The following SLIT3 variants were observed in gnomAD, a reference collection of about 807,000 sequenced individuals.
The protein encoded by SLIT3 is slit guidance ligand 3, also known as slit homolog 3 protein.
Under a neutral mutation model 184.0 loss-of-function variants are expected in SLIT3, and 68 were observed. That is an observed-to-expected ratio of 0.37 (90% CI 0.30 to 0.45). The LOEUF is 0.45. SLIT3 is among the 20% of genes least tolerant of loss of function. The probability of loss-of-function intolerance (pLI) is 1.00; values close to 1 mark genes in which losing one functional copy is unlikely to be tolerated. For synonymous variants in SLIT3, 831 were observed against 828.6 expected (o/e 1.00, Z -0.05); for missense variants, 1,707 against 2,026.0 (o/e 0.84, Z 3.02).
At chr5:168,934,569 C>T (rs1404896645) in intron 4 of SLIT3, among the ~76,000 whole-genome samples, 3 of 152,084 alleles carry the variant, frequency 2.0e-5, no homozygotes, top group Admixed American at 6.6e-5. Flanking sequence ...GAAAGGCACG[C>T]GGCTGTGGGA....
intron 28 of SLIT3, among the ~76,000 whole-genome samples, chr5:168,694,707 C>G (rs1217794389): frequency 1.3e-5 from 2 of 152,176 alleles, no homozygotes; most frequent in Non-Finnish European, 2.9e-5. Flanking sequence ...CAACCTTCAC[C>G]TCCTGGGTTC....
At chr5:168,973,591 G>A (rs1028418947) in intron 4 of SLIT3, among the ~76,000 whole-genome samples, 6 of 152,128 alleles carry the variant, frequency 3.9e-5, no homozygotes, top group African/African-American at 7.2e-5. Context: ...AAATTTACAC[G>A]GCTTGTAATT....
At chr5:169,202,374 A>T (rs1314961430) in intron 3 of SLIT3, among the ~76,000 whole-genome samples, 4 of 152,190 alleles carry the variant, frequency 2.6e-5, no homozygotes, top group African/African-American at 9.7e-5. Flanking sequence ...GTATTATCTC[A>T]CTTCGTCCTT....
intron 12 of SLIT3, among the ~76,000 whole-genome samples, chr5:168,777,620 G>C (rs1197308854): frequency 6.6e-6 from 1 of 152,178 alleles, no homozygotes; most frequent in African/African-American, 2.4e-5. Flanking sequence ...GGCAAAGATA[G>C]CCCAAGGTGC....
At chr5:169,240,611 T>G (rs994153488) in intron 3 of SLIT3, among the ~76,000 whole-genome samples, 2 of 150,016 alleles carry the variant, frequency 1.3e-5, no homozygotes, top group African/African-American at 4.9e-5. Context: ...CTTTCAAGTT[T>G]TCTCTATCCT....
intron 19 of SLIT3, 97 bp from the exon 20 acceptor site, chr5:168,748,531 G>T: frequency 2.5e-6 from 3 of 1,199,518 alleles, no homozygotes; most frequent in Non-Finnish European, 3.3e-6. Context: ...AAGACAAGTT[G>T]TCCCCTGTCC....
intron 1 of SLIT3, among the ~76,000 whole-genome samples, chr5:169,278,024 G>T (rs1293655608): frequency 6.6e-6 from 1 of 152,224 alleles, no homozygotes; most frequent in Non-Finnish European, 1.5e-5. Context: ...TGCACGAGGT[G>T]CACATGGGTG....
chr5:169,081,801 G>A (rs186702548), intron 4 of SLIT3, among the ~76,000 whole-genome samples: 215 of 152,298 alleles, frequency 1.4e-3, no homozygotes, highest in Non-Finnish European at 1.1e-3. Flanking sequence ...TCCCAGGCCA[G>A]ACCCTGTGCT....
intron 7 of SLIT3, among the ~76,000 whole-genome samples, chr5:168,818,069 T>C (rs1437976612): frequency 6.7e-6 from 1 of 149,730 alleles, no homozygotes; most frequent in African/African-American, 2.6e-5. Flanking sequence ...TTTTAGAGGA[T>C]GTACCTTCTT....
chr5:169,026,997 T>C (rs1016487902), intron 4 of SLIT3, among the ~76,000 whole-genome samples: 2 of 152,216 alleles, frequency 1.3e-5, no homozygotes, highest in East Asian at 3.8e-4. Flanking sequence ...CAGTAAGTCA[T>C]AGATCTTTAG....
intron 5 of SLIT3, among the ~76,000 whole-genome samples, chr5:168,874,488 A>G (rs1027315979): frequency 6.6e-6 from 1 of 152,218 alleles, no homozygotes; most frequent in Non-Finnish European, 1.5e-5. Flanking sequence ...GGCAGACTCA[A>G]CCTCTCCTTT....
At chr5:169,027,481 T>C (rs954725312) in intron 4 of SLIT3, among the ~76,000 whole-genome samples, 5 of 152,226 alleles carry the variant, frequency 3.3e-5, no homozygotes, top group Admixed American at 2.0e-4. Context: ...ATGCAGTTTT[T>C]ATTGTAGTGC....
At chr5:168,718,706 A>T (rs1417773391) in intron 23 of SLIT3, among the ~76,000 whole-genome samples, 1 of 137,902 alleles carries the variant, frequency 7.3e-6, no homozygotes, top group African/African-American at 2.8e-5. Flanking sequence ...ACACACACAC[A>T]CACACACACA....
intron 18 of SLIT3, 97 bp from the exon 19 acceptor site, chr5:168,749,732 G>A: frequency 7.6e-7 from 1 of 1,320,752 alleles, no homozygotes; most frequent in Middle Eastern, 2.0e-4. Flanking sequence ...CCAGGAAGGA[G>A]GAGGTCTCAG....
intron 20 of SLIT3, among the ~76,000 whole-genome samples, chr5:168,746,460 TG>T (rs1581031436): frequency 2.1e-4 from 14 of 66,180 alleles, no homozygotes; most frequent in Admixed American, 3.7e-4. Flanking sequence ...CAGTGTGTGG[TG>T]GTGTGCGGTG....
chr5:169,162,417 G>A (rs1463830629), intron 4 of SLIT3, among the ~76,000 whole-genome samples: 1 of 152,130 alleles, frequency 6.6e-6, no homozygotes, highest in East Asian at 1.9e-4. Flanking sequence ...CTGTCTCCAG[G>A]TTATCAGCAC....
rs542433645 is a variant in SLIT3 at position 169,297,485 on chromosome 5, C to T, written c.197+3028G>A. Reference sequence around the variant, plus strand: ...GAGAAGCAATATACACAGACACACACACACACAAATCCCTTCATCAAAGCC... The same window carrying T: ...GAGAAGCAATATACACAGACACACATACACACAAATCCCTTCATCAAAGCC... On this transcript the variant is annotated intron_variant, in intron 1 of 35. Transcript: ENST00000519560. 6.6e-5 allele frequency among the ~76,000 whole-genome samples: 10 copies of T among 152,316 alleles called. No homozygotes were observed. The South Asian group carries it at 2.1e-3, about 32-fold the overall frequency.
At chr5:168,746,277 G>GTGTGGTGTGGTGGTA (rs1437692583) in intron 20 of SLIT3, among the ~76,000 whole-genome samples, 6 of 151,564 alleles carry the variant, frequency 4.0e-5, no homozygotes, top group Non-Finnish European at 8.8e-5. Flanking sequence ...GTGTGGTGAT[G>GTGTGGTGTGGTGGTA]TGTGGTGTGG....
chr5:168,749,302 T>C (rs1754613307), intron 19 of SLIT3, among the ~76,000 whole-genome samples, 170 bp downstream of exon 19: 1 of 152,234 alleles, frequency 6.6e-6, no homozygotes, highest in Non-Finnish European at 1.5e-5. Flanking sequence ...TTAATTTGCA[T>C]GAAGGAGCCA....
Sources: gnomAD v4.1 joint callset for allele counts (sites outside exome capture counted in the v4.1 genomes callset) on GRCh38, gnomAD v4.1.1 for gene constraint, MANE v1.5 for transcripts, NCBI Gene and HGNC (gene_info 2026-07-23, HGNC 2026-07-21) for gene names.